The following MACROD2 variants were observed in gnomAD, a reference collection of about 807,000 sequenced individuals.
The protein encoded by MACROD2 is ADP-ribose glycohydrolase MACROD2.
In MACROD2, 36 loss-of-function variants were observed where a neutral mutation model predicts 70.4. The observed-to-expected ratio is 0.51, with a 90% CI of 0.39 to 0.68. The LOEUF is 0.68. Among genes scored for constraint, MACROD2 ranks in the 30% least tolerant of loss-of-function variants. MACROD2 has a pLI of 0.00. For missense variants in MACROD2, 496 were observed against 538.4 expected (o/e 0.92, Z 0.78); for synonymous variants, 172 against 178.8 (o/e 0.96, Z 0.30).
At chr20:14,980,485 C>T (rs1167011996) in intron 5 of MACROD2, among the ~76,000 whole-genome samples, 1 of 152,142 alleles carries the variant, frequency 6.6e-6, no homozygotes, top group Non-Finnish European at 1.5e-5. Context: ...TTCTCAGTTT[C>T]AGGTATTCCA....
chr20:15,563,528 C>T (rs1332237384), intron 8 of MACROD2, among the ~76,000 whole-genome samples: 1 of 152,108 alleles, frequency 6.6e-6, no homozygotes, highest in Non-Finnish European at 1.5e-5. Context: ...CATAGTAAAC[C>T]ATCTTAAAAG....
At chr20:14,380,203 GAT>G (rs1460614624) in intron 3 of MACROD2, among the ~76,000 whole-genome samples, 2 of 152,060 alleles carry the variant, frequency 1.3e-5, no homozygotes, top group African/African-American at 4.8e-5. Flanking sequence ...AATGATTAAT[GAT>G]ATTGAGCATC....
intron 6 of MACROD2, among the ~76,000 whole-genome samples, chr20:15,384,037 A>G (rs1783646392): frequency 6.6e-6 from 1 of 152,138 alleles, no homozygotes; most frequent in Non-Finnish European, 1.5e-5. Flanking sequence ...GAGAACTTTA[A>G]TAACACTCCA....
At chr20:15,074,050 A>T (rs1366113719) in intron 5 of MACROD2, among the ~76,000 whole-genome samples, 1 of 152,210 alleles carries the variant, frequency 6.6e-6, no homozygotes, top group Non-Finnish European at 1.5e-5. Context: ...AATCCAACGT[A>T]TTCCAGTGAT....
At chr20:14,102,089 C>T (rs142804733) in intron 3 of MACROD2, among the ~76,000 whole-genome samples, 22,628 of 148,524 alleles carry the variant, frequency 0.15, 2,150 homozygotes, top group South Asian at 0.23. Flanking sequence ...CTGCAACCTC[C>T]GCCTCCCAGG....
At chr20:14,966,296 GATGAAGATATGGAAC>G (rs1298560971) in intron 5 of MACROD2, among the ~76,000 whole-genome samples, 2 of 152,104 alleles carry the variant, frequency 1.3e-5, no homozygotes, top group African/African-American at 2.4e-5. Context: ...AACCACCTCC[GATGAAGATATGGAAC>G]ATGCCTATAA....
chr20:14,720,536 C>CTTTTTTT (rs753673265), intron 5 of MACROD2, among the ~76,000 whole-genome samples: 535 of 35,944 alleles, frequency 0.015, 154 homozygotes, highest in Non-Finnish European at 0.019. Flanking sequence ...TGCCCCACAA[C>CTTTTTTT]TTTTTTTTTT....
chr20:15,019,294 G>T (rs1338567422), intron 5 of MACROD2, among the ~76,000 whole-genome samples: 3 of 152,312 alleles, frequency 2.0e-5, no homozygotes, highest in Admixed American at 6.5e-5. Flanking sequence ...GTTATATCAT[G>T]TAGTCATTGA....
chr20:15,678,202 A>G (rs2050098066), intron 8 of MACROD2, among the ~76,000 whole-genome samples: 1 of 152,202 alleles, frequency 6.6e-6, no homozygotes, highest in Non-Finnish European at 1.5e-5. Flanking sequence ...TAGTGTGTAA[A>G]CCAAAGTCCA....
chr20:15,670,387 C>G (rs1054012191), intron 8 of MACROD2, among the ~76,000 whole-genome samples: 3 of 152,140 alleles, frequency 2.0e-5, no homozygotes, highest in South Asian at 4.1e-4. Flanking sequence ...TTTCAGTCTC[C>G]GTCCTGATGC....
intron 3 of MACROD2, among the ~76,000 whole-genome samples, chr20:14,368,959 T>C (rs905006910): frequency 3.3e-5 from 5 of 152,230 alleles, no homozygotes; most frequent in Admixed American, 3.3e-4. Context: ...CTGTTTGCAT[T>C]GATCCTAGAG....
At chr20:14,411,810 C>T (rs972470694) in intron 3 of MACROD2, among the ~76,000 whole-genome samples, 6 of 152,088 alleles carry the variant, frequency 3.9e-5, no homozygotes, top group Admixed American at 1.3e-4. Flanking sequence ...GCACTATTTA[C>T]CATAGACTGC....
At chr20:14,486,052 C>G (rs528243276) in intron 3 of MACROD2, among the ~76,000 whole-genome samples, 1 of 152,104 alleles carries the variant, frequency 6.6e-6, no homozygotes, top group East Asian at 1.9e-4. Context: ...CAGGTCCCAG[C>G]GGGAAACAGA....
chr20:14,549,045 C>T (rs1047287544), intron 4 of MACROD2, among the ~76,000 whole-genome samples: 1 of 152,154 alleles, frequency 6.6e-6, no homozygotes, highest in Non-Finnish European at 1.5e-5. Flanking sequence ...AGAGAGCCCT[C>T]AGGCAAAGAG....
intron 3 of MACROD2, among the ~76,000 whole-genome samples, chr20:14,200,341 T>C (rs900636883): frequency 6.6e-6 from 1 of 151,920 alleles, no homozygotes; most frequent in Non-Finnish European, 1.5e-5. Context: ...CATGGACCCA[T>C]AGAGGGGAAC....
chr20:15,464,816 G>A lies in MACROD2; in HGVS notation c.571+33381G>A, dbSNP rs536283262. 2.0e-5 allele frequency among the ~76,000 whole-genome samples: 3 copies of A among 152,258 alleles called. No individual in the cohort carries two copies. The East Asian group carries it at 5.8e-4, about 29-fold the overall frequency. On this transcript the variant is annotated intron_variant, in intron 7 of 17. Transcript: ENST00000684519. ...TCTTAATTATTGCTCTGCCTGAAAA[G>A]TCTATTTTTTGCTTGGGCTTTTTGA...
intron 4 of MACROD2, among the ~76,000 whole-genome samples, chr20:14,682,887 TA>T (rs772622676): frequency 4.6e-4 from 70 of 152,344 alleles, no homozygotes; most frequent in Admixed American, 4.6e-4. Flanking sequence ...TTTATTTATT[TA>T]TTTTTTTTGA....
intron 5 of MACROD2, among the ~76,000 whole-genome samples, chr20:15,190,153 A>T (rs1388740152): frequency 6.6e-6 from 1 of 152,226 alleles, no homozygotes; most frequent in Non-Finnish European, 1.5e-5. Context: ...TCTATCCCCT[A>T]ACAAGGGCAG....
chr20:14,922,209 G>C (rs983158496), intron 5 of MACROD2, among the ~76,000 whole-genome samples: 2 of 152,082 alleles, frequency 1.3e-5, no homozygotes, highest in Admixed American at 1.3e-4. Context: ...GTCAAAGAAA[G>C]GTGCTTTATA....
Sources: allele counts gnomAD v4.1 joint callset (sites outside exome capture counted in the v4.1 genomes callset), GRCh38; gene constraint gnomAD v4.1.1; transcripts MANE v1.5; gene names NCBI Gene and HGNC (gene_info 2026-07-23, HGNC 2026-07-21).